The following ODAD2 variants were observed in gnomAD, a reference collection of about 807,000 sequenced individuals.
ODAD2 encodes outer dynein arm docking complex subunit 2.
Under a neutral mutation model 106.8 loss-of-function variants are expected in ODAD2, and 89 were observed. The observed-to-expected ratio is 0.83, with a 90% CI of 0.70 to 0.99. ODAD2 has a LOEUF of 0.99. Among genes scored for constraint, ODAD2 ranks in the 50% least tolerant of loss-of-function variants. The pLI is 0.00. For missense variants in ODAD2, 1,168 were observed against 1,238.5 expected (o/e 0.94, Z 0.85); for synonymous variants, 404 against 436.2 (o/e 0.93, Z 0.92).
chr10:27,954,861 CA>C (rs1169613247), intron 10 of ODAD2, among the ~76,000 whole-genome samples: 1 of 152,186 alleles, frequency 6.6e-6, no homozygotes, highest in East Asian at 1.9e-4. Flanking sequence ...ACAAGTAACA[CA>C]CATTACCAGT....
intron 1 of ODAD2, 96 bp from the exon 2 acceptor site, chr10:27,995,276 A>G: frequency 1.6e-6 from 2 of 1,264,734 alleles, no homozygotes; most frequent in South Asian, 1.6e-5. Flanking sequence ...TCCCCATCCC[A>G]CATTCTGCTT....
At chr10:27,988,909 GA>G (rs1850048345) in intron 2 of ODAD2, among the ~76,000 whole-genome samples, 1 of 152,110 alleles carries the variant, frequency 6.6e-6, no homozygotes, top group Non-Finnish European at 1.5e-5. Context: ...GTATTTGGAG[GA>G]AGCCAAACAT....
At chr10:27,999,262 G>A (rs1341790266), upstream of ODAD2, among the ~76,000 whole-genome samples, 1 of 152,192 alleles carries the variant, frequency 6.6e-6, no homozygotes, top group African/African-American at 2.4e-5. Flanking sequence ...TGCGGGGTCG[G>A]CGGCAAGTTA....
At chr10:27,853,923 C>T (rs1310258125) in intron 19 of ODAD2, among the ~76,000 whole-genome samples, 4 of 152,122 alleles carry the variant, frequency 2.6e-5, no homozygotes, top group Non-Finnish European at 5.9e-5. Context: ...AAAACTTCTG[C>T]TCTTCAAAAG....
intron 7 of ODAD2, among the ~76,000 whole-genome samples, chr10:27,973,264 C>T (rs1011453802): frequency 4.0e-5 from 6 of 151,502 alleles, no homozygotes; most frequent in African/African-American, 1.5e-4. Flanking sequence ...TACGCTGAGA[C>T]AGCCAGATCA....
Position 27,940,681 on chromosome 10 carries a change from G to C in ODAD2, c.1868C>G (p.Thr623Arg). ...LALWSCSKSH[T>R]NKEAIRKAGG... The stretch of plus-strand genomic sequence containing the variant: ...AGCTTTGCGGATGGCTTCTTTATTC[G>C]TATGACTCTTACTGCAGCTCCACAG... The change falls in exon 13 of 20, where the codon ACG (threonine) becomes AGG (arginine). Residue 623 changes from threonine to arginine, a missense_variant. By Grantham distance (71) the Thr-to-Arg change is moderately conservative. Around this residue, in one of 3 missense-constraint regions of ODAD2, gnomAD observed 701 missense variants for 712.3 expected, o/e 0.98. Transcript: ENST00000305242. 3 of 1,614,020 alleles carry C rather than the reference G, an allele frequency of 1.9e-6. No individual in the cohort carries two copies. The highest frequency in any genetic ancestry group is 2.5e-6 in the Non-Finnish European group (3 of 1,179,986).
At chr10:27,972,444 C>T (rs758124688) in intron 7 of ODAD2, among the ~76,000 whole-genome samples, 3 of 152,084 alleles carry the variant, frequency 2.0e-5, no homozygotes, top group Non-Finnish European at 4.4e-5. Context: ...GTAGTTACAT[C>T]AAATGAAAGT....
At chr10:27,951,166 A>G (rs1847303759) in intron 10 of ODAD2, among the ~76,000 whole-genome samples, 1 of 152,226 alleles carries the variant, frequency 6.6e-6, no homozygotes, top group Non-Finnish European at 1.5e-5. Context: ...TTGGAATTCA[A>G]CATTATTAAA....
chr10:27,985,776 C>T (rs951182817), intron 3 of ODAD2, among the ~76,000 whole-genome samples: 1 of 150,540 alleles, frequency 6.6e-6, no homozygotes, highest in African/African-American at 2.4e-5. Flanking sequence ...TAGCCATATA[C>T]ATAATATATA....
rs773742953 is a variant in ODAD2 at position 27,995,176 on chromosome 10, A to G, written c.-34T>C. ...CCGTGCTCAGACCTGAGCTTAGCAC[A>G]CGCACTACATCAGAGCAGAAAGAGA... is the stretch of plus-strand genomic sequence containing the variant. On this transcript the variant is annotated 5_prime_UTR_variant, in exon 2 of 20. Transcript: ENST00000305242. 9 of 1,613,066 alleles carry G rather than the reference A, an allele frequency of 5.6e-6. No individual in the cohort carries two copies. The South Asian group carries it at 9.9e-5, about 18-fold the overall frequency.
intron 17 of ODAD2, chr10:27,904,187 C>T (rs1337011349): frequency 7.0e-6 from 2 of 287,488 alleles, no homozygotes; most frequent in South Asian, 3.8e-5. Context: ...AATAGCTTTC[C>T]ACGTGATAGG....
chr10:27,891,778 T>C lies in ODAD2; in HGVS notation c.2610+15885A>G, dbSNP rs569210122. On this transcript the variant is annotated intron_variant, in intron 17 of 19. Coordinates refer to ENST00000305242, the MANE Select transcript of ODAD2 (RefSeq NM_018076.5). ...ACAAATAATATTAAAAATGCACTGA[T>C]ATTTAAGAAAAAATGTTTCTTACAA... 4.1e-4 allele frequency among the ~76,000 whole-genome samples: 63 copies of C among 152,266 alleles called. 1 individual carries two copies. The highest frequency in any genetic ancestry group is 1.3e-3 in the African/African-American group (52 of 41,564).
intron 19 of ODAD2, among the ~76,000 whole-genome samples, chr10:27,826,346 C>T (rs1401704183): frequency 6.6e-6 from 1 of 152,182 alleles, no homozygotes; most frequent in Non-Finnish European, 1.5e-5. Flanking sequence ...ATGGCACACA[C>T]ATTATGATCT....
chr10:27,855,710 G>C (rs1002417302), intron 19 of ODAD2, among the ~76,000 whole-genome samples: 2 of 152,128 alleles, frequency 1.3e-5, no homozygotes, highest in Non-Finnish European at 2.9e-5. Flanking sequence ...TGGCTCTCTG[G>C]AACGCCAGTA....
At chr10:27,824,136 C>A (rs1412235230) in intron 19 of ODAD2, among the ~76,000 whole-genome samples, 6 of 56,956 alleles carry the variant, frequency 1.1e-4, no homozygotes, top group Admixed American at 3.0e-4. Flanking sequence ...GAGACTCCGT[C>A]TCAAAAAAAA....
intron 17 of ODAD2, among the ~76,000 whole-genome samples, chr10:27,898,609 G>C (rs1221397669): frequency 6.6e-6 from 1 of 152,044 alleles, no homozygotes; most frequent in Non-Finnish European, 1.5e-5. Flanking sequence ...TCTTTCCCCA[G>C]TTGGCTTATT....
Position 27,944,358 on chromosome 10 carries a change from C to T in ODAD2, c.1607G>A (p.Gly536Asp), listed in dbSNP as rs1393513509. 5.6e-6 allele frequency: 9 copies of T among 1,613,760 alleles called. No individual in the cohort carries two copies. The African/African-American group carries it at 6.7e-5, about 12-fold the overall frequency. Reference sequence around the variant, plus strand: ...AAGTATATTCACCATAATTGGTAAGCCCCCAAGGTCAACAATATTCTGTCT... The same window carrying T: ...AAGTATATTCACCATAATTGGTAAGTCCCCAAGGTCAACAATATTCTGTCT... Reference protein sequence around the residue: ...QIRQNIVDLGGLPIMVNILDS... With the variant: ...QIRQNIVDLGDLPIMVNILDS... Residue 536 changes from glycine to aspartate, a missense_variant, in exon 12 of 20, where the codon GGC (glycine) becomes GAC (aspartate). Coordinates refer to ENST00000305242, the MANE Select transcript of ODAD2 (RefSeq NM_018076.5).
chr10:27,880,365 T>C (rs915136200), intron 17 of ODAD2, among the ~76,000 whole-genome samples: 2 of 152,228 alleles, frequency 1.3e-5, no homozygotes, highest in Non-Finnish European at 2.9e-5. Context: ...TGAGCATTCT[T>C]ATGTCTAAAA....
chr10:27,891,052 C>T (rs1158137577), intron 17 of ODAD2, among the ~76,000 whole-genome samples: 1 of 152,138 alleles, frequency 6.6e-6, no homozygotes, highest in Non-Finnish European at 1.5e-5. Context: ...TAGCATGAAA[C>T]TAAACCCCTC....
Sources: gnomAD v4.1 joint callset for allele counts (sites outside exome capture counted in the v4.1 genomes callset) on GRCh38, gnomAD v4.1.1 for gene constraint, gnomAD v4.1.1 regional missense constraint, MANE v1.5 for transcripts, NCBI Gene and HGNC (gene_info 2026-07-23, HGNC 2026-07-21) for gene names.